Variants in CFHR5 observed in about 807,000 individuals in gnomAD.
CFHR5 encodes the protein complement factor H related 5.
A neutral mutation model predicts 62.9 loss-of-function variants in CFHR5; 73 were observed. The ratio of observed to expected loss-of-function variants is 1.16; its 90% CI spans 0.96 to 1.41. The LOEUF is 1.41. Among genes scored for constraint, CFHR5 ranks in the 40% most tolerant of loss-of-function variants. CFHR5 has a pLI of 0.00. For missense variants in CFHR5, 779 were observed against 679.9 expected (o/e 1.15, Z -1.62); for synonymous variants, 249 against 227.2 (o/e 1.10, Z -0.86).
At chr1:197,006,398 A>G (rs902753914) in intron 9 of CFHR5, among the ~76,000 whole-genome samples, 10 of 152,134 alleles carry the variant, frequency 6.6e-5, no homozygotes, top group Admixed American at 1.3e-4. Context: ...GGAGATTAAG[A>G]TTAGACAGCT....
rs372608579 is a variant in CFHR5, at chr1:196,998,207, T to C, written c.1050T>C (p.Asn350=). 2.6e-5 allele frequency: 42 copies of C among 1,604,846 alleles called. No homozygotes were observed. The highest frequency in any genetic ancestry group is 3.4e-5 in the Non-Finnish European group (40 of 1,173,818). Residue 350 remains asparagine (N), a synonymous_variant, in exon 7 of 10, where the codon AAT becomes AAC. Coordinates refer to ENST00000256785, the MANE Select transcript of CFHR5 (RefSeq NM_030787.4). ...TLLKLSGKEF[N]HNSRIRYRCS... is the part of the protein sequence containing the mutation. ...TCAAGCTATCTGGGAAAGAATTTAA[T>C]CATAATTCTAGAATACGTTACAGAT...
intron 6 of CFHR5, 27 bp downstream of exon 6, chr1:196,996,228 T>C: frequency 6.5e-7 from 1 of 1,533,702 alleles, no homozygotes. Flanking sequence ...AAACTTTATA[T>C]TTGATTATTT....
In CFHR5 at chr1:196,998,116, TA is replaced by T; in HGVS notation, c.971-11del. ...TAATTGTTTAGTTTCTATTTAATAT[TA>T]TTTTTTATAGCAACACACCAACTTA... On this transcript the variant is annotated splice_polypyrimidine_tract_variant and intron_variant, in intron 6 of 9. Coordinates refer to ENST00000256785, the MANE Select transcript of CFHR5 (RefSeq NM_030787.4). 4 of 1,462,624 alleles carry T rather than the reference TA, an allele frequency of 2.7e-6. No homozygotes were observed. Among genetic ancestry groups the T allele is most frequent in the African/African-American group, 1.4e-5 (1 of 71,084 alleles). The allele number at this position is 1,462,624 out of a possible 1,614,324, so 90.6% of individuals were successfully genotyped here.
At position 197,009,007 on chromosome 1, in the gene CFHR5, T is replaced by C. The variant is rs886045753; in HGVS notation, c.*324T>C. ...GGTGGGGCTGCCTCTGGTGAGGGTC[T>C]TCTCGAAGCATCATAATATGCTGGA... is the stretch of plus-strand genomic sequence containing the variant. On this transcript the variant is annotated 3_prime_UTR_variant, in exon 10 of 10. Coordinates refer to ENST00000256785, the MANE Select transcript of CFHR5 (RefSeq NM_030787.4). 4.0e-6 allele frequency: 1 copy of C among 249,032 alleles called. No homozygotes were observed. Among genetic ancestry groups the C allele is most frequent in the South Asian group, 5.4e-5 (1 of 18,620 alleles). 15.4% of individuals were successfully genotyped at this position (249,032 alleles called of 1,614,324 possible). A position where few individuals can be genotyped will look rare whatever the true frequency, so the allele number is the denominator to read the frequency against.
intron 6 of CFHR5, among the ~76,000 whole-genome samples, chr1:196,997,314 C>T (rs182074982): frequency 5.3e-5 from 8 of 152,126 alleles, no homozygotes; most frequent in Admixed American, 5.2e-4. Flanking sequence ...GATCATATAT[C>T]TTCATGGTCA....
chr1:197,002,075 G>A (rs962115594), intron 7 of CFHR5, among the ~76,000 whole-genome samples: 8 of 152,068 alleles, frequency 5.3e-5, no homozygotes, highest in African/African-American at 2.4e-5. Context: ...ATTAGGGGAA[G>A]TCATAGTTAT....
At chr1:196,976,913 T>G (rs1201372900), upstream of CFHR5, among the ~76,000 whole-genome samples, 1 of 149,048 alleles carries the variant, frequency 6.7e-6, no homozygotes, top group Non-Finnish European at 1.5e-5. Context: ...TACGCCATTC[T>G]CCTGCCTCAG....
chr1:196,978,451 G>A (rs531233805), intron 1 of CFHR5, among the ~76,000 whole-genome samples: 2 of 152,196 alleles, frequency 1.3e-5, no homozygotes, highest in East Asian at 3.9e-4. Flanking sequence ...ATTAAACTAT[G>A]TGTGTACGTG....
rs578132980 is a variant in CFHR5 at position 196,991,037 on chromosome 1, A to G, written c.431-3043A>G. On this transcript the variant is annotated intron_variant, in intron 3 of 9. Transcript: ENST00000256785. ...TAGATTTGGTTTTTCACATAGTCCC[A>G]TATTTCTCGGAGGCTTTGTTCATTT... Among the ~76,000 whole-genome samples the G allele has an allele frequency of 4.4e-4, 66 of 150,486 alleles. No homozygotes were observed. In the Middle Eastern group the frequency reaches 0.024, roughly 54 times the overall value.
chr1:196,991,780 C>A (rs938509310), intron 3 of CFHR5, among the ~76,000 whole-genome samples: 1 of 152,130 alleles, frequency 6.6e-6, no homozygotes, highest in Admixed American at 6.5e-5. Context: ...GGGGCACCCA[C>A]CTGTATGAGG....
At chr1:196,985,920 C>T (rs1276424303) in intron 3 of CFHR5, among the ~76,000 whole-genome samples, 1 of 152,168 alleles carries the variant, frequency 6.6e-6, no homozygotes, top group Non-Finnish European at 1.5e-5. Context: ...AAACTTGTTT[C>T]AAAATTTAGC....
At chr1:197,001,568 A>G (rs989867929) in intron 7 of CFHR5, among the ~76,000 whole-genome samples, 9 of 151,764 alleles carry the variant, frequency 5.9e-5, no homozygotes, top group Admixed American at 1.3e-4. Flanking sequence ...AATTATTGTT[A>G]TACTTTAAGT....
At chr1:196,978,818 T>C (rs1653462579) in intron 1 of CFHR5, among the ~76,000 whole-genome samples, 1 of 152,152 alleles carries the variant, frequency 6.6e-6, no homozygotes, top group Non-Finnish European at 1.5e-5. Flanking sequence ...CACAAGGATT[T>C]CTAAAGGGGG....
chr1:197,001,830 A>T (rs541373373), intron 7 of CFHR5, among the ~76,000 whole-genome samples: 2 of 151,962 alleles, frequency 1.3e-5, no homozygotes, highest in South Asian at 2.1e-4. Context: ...CTGGAAAAAC[A>T]TGAGATGAAG....
chr1:197,004,729 G>GT lies in CFHR5; in HGVS notation c.1400dup (p.Tyr468IlefsTer16), dbSNP rs769671871. Reference sequence around the variant, plus strand: ...AGATACCACCTCATTCCCATTATCAGTATATCCTCCAGGGTCAACAGTGAC... The same window carrying GT: ...AGATACCACCTCATTCCCATTATCAGTTATATCCTCCAGGGTCAACAGTGAC... On this transcript the variant is annotated frameshift_variant, in exon 9 of 10. Coordinates refer to ENST00000256785, the MANE Select transcript of CFHR5 (RefSeq NM_030787.4). LOFTEE classifies it high-confidence loss of function. The GT allele has an allele frequency of 6.2e-7, 1 of 1,613,190 alleles. No homozygotes were observed. The highest frequency in any genetic ancestry group is 1.3e-5 in the African/African-American group (1 of 74,816).
intron 9 of CFHR5, 104 bp from the exon 10 acceptor site, chr1:197,008,383 C>A (rs1654346886): frequency 1.7e-6 from 1 of 573,310 alleles, no homozygotes; most frequent in Non-Finnish European, 2.7e-6. Flanking sequence ...TAATATTTTT[C>A]ATCATTTTAA....
At chr1:196,979,256 CTGTGTGTGTG>C (rs57862148) in intron 1 of CFHR5, among the ~76,000 whole-genome samples, 5 of 148,462 alleles carry the variant, frequency 3.4e-5, no homozygotes, top group Admixed American at 6.7e-5. Context: ...AGGTAATTGT[CTGTGTGTGTG>C]TGTGTGTGTG....
At chr1:196,996,294 A>G (rs1373006267) in intron 6 of CFHR5, 93 bp downstream of exon 6, 10 of 967,060 alleles carry the variant, frequency 1.0e-5, no homozygotes, top group African/African-American at 1.6e-5. Flanking sequence ...TTACAATTTT[A>G]TTGATACTGA....
At chr1:196,991,850 C>A (rs1418492114) in intron 3 of CFHR5, among the ~76,000 whole-genome samples, 1 of 152,180 alleles carries the variant, frequency 6.6e-6, no homozygotes, top group South Asian at 2.1e-4. Flanking sequence ...GGACGGGGAC[C>A]CACTTGAGGA....
Sources: allele counts gnomAD v4.1 joint callset (sites outside exome capture counted in the v4.1 genomes callset), GRCh38; gene constraint gnomAD v4.1.1; transcripts MANE v1.5; gene names NCBI Gene and HGNC (gene_info 2026-07-23, HGNC 2026-07-21).